Variants in PLCB4 observed in about 807,000 individuals in gnomAD.
PLCB4 encodes phospholipase C beta 4, also known as 1-phosphatidylinositol 4,5-bisphosphate phosphodiesterase beta-4.
Under a neutral mutation model 178.8 loss-of-function variants are expected in PLCB4, and 77 were observed. The observed-to-expected ratio is 0.43, with a 90% CI of 0.36 to 0.52. The LOEUF (loss-of-function observed/expected upper bound fraction) is 0.52, where lower values mean the gene tolerates loss of function less well. Among genes scored for constraint, PLCB4 ranks in the 20% least tolerant of loss-of-function variants. PLCB4 has a pLI of 0.00. For synonymous variants in PLCB4, 496 were observed against 490.8 expected, an observed-to-expected ratio of 1.01 and a Z score of -0.14; for missense variants, 1,024 against 1,453.4, an observed-to-expected ratio of 0.70 and a Z score of 4.80.
intron 1 of PLCB4, among the ~76,000 whole-genome samples, chr20:9,095,983 A>C (rs2090897827): frequency 6.6e-6 from 1 of 152,146 alleles, no homozygotes; most frequent in Non-Finnish European, 1.5e-5. Flanking sequence ...AAAATATGTC[A>C]TTGGGATAGA....
At chr20:9,176,720 C>G (rs1003766186) in intron 2 of PLCB4, among the ~76,000 whole-genome samples, 5 of 152,140 alleles carry the variant, frequency 3.3e-5, no homozygotes, top group African/African-American at 1.2e-4. Context: ...AACCCTTAAA[C>G]TACATATAAG....
intron 8 of PLCB4, among the ~76,000 whole-genome samples, chr20:9,364,286 G>A (rs1327545924): frequency 6.6e-6 from 1 of 152,132 alleles, no homozygotes; most frequent in Non-Finnish European, 1.5e-5. Flanking sequence ...GCTTATACCT[G>A]AGTGACACAA....
At chr20:9,371,102 T>G (rs925818168) in intron 9 of PLCB4, 112 bp from the exon 10 acceptor site, 42 of 727,794 alleles carry the variant, frequency 5.8e-5, no homozygotes, top group Non-Finnish European at 1.0e-4. Flanking sequence ...AATTTTATTC[T>G]CCTCTTCCTT....
intron 2 of PLCB4, among the ~76,000 whole-genome samples, chr20:9,184,373 C>G (rs1307006768): frequency 6.6e-6 from 1 of 152,076 alleles, no homozygotes; most frequent in African/African-American, 2.4e-5. Flanking sequence ...GTTTCCTTTA[C>G]CTTCATAAGC....
intron 28 of PLCB4, among the ~76,000 whole-genome samples, chr20:9,426,121 T>A (rs1602608807): frequency 6.7e-6 from 1 of 149,360 alleles, no homozygotes. Flanking sequence ...GAAAAAAAAA[T>A]GTTTTTTTTC....
chr20:9,152,033 A>C (rs555286866), intron 2 of PLCB4, among the ~76,000 whole-genome samples: 2 of 152,260 alleles, frequency 1.3e-5, no homozygotes, highest in South Asian at 4.1e-4. Context: ...GATCTGTGGA[A>C]CTTTAAACTT....
At chr20:9,307,061 T>C (rs1309206466) in intron 3 of PLCB4, among the ~76,000 whole-genome samples, 1 of 152,094 alleles carries the variant, frequency 6.6e-6, no homozygotes, top group Non-Finnish European at 1.5e-5. Context: ...GAGGGCTTCA[T>C]TCTAGGCCAC....
intron 3 of PLCB4, among the ~76,000 whole-genome samples, chr20:9,279,118 T>G (rs1482124683): frequency 6.6e-6 from 1 of 151,954 alleles, no homozygotes; most frequent in Non-Finnish European, 1.5e-5. Context: ...AAATTTGGAG[T>G]ATGTTATTTG....
At chr20:9,149,095 A>G (rs1032144176) in intron 2 of PLCB4, among the ~76,000 whole-genome samples, 1 of 152,106 alleles carries the variant, frequency 6.6e-6, no homozygotes. Flanking sequence ...GGAAAACTGG[A>G]GGGCCAGAAG....
intron 2 of PLCB4, among the ~76,000 whole-genome samples, chr20:9,210,310 A>T (rs1408856814): frequency 6.6e-6 from 1 of 152,152 alleles, no homozygotes. Context: ...CTTTCTCGGG[A>T]GGGGAAATGA....
At chr20:9,250,272 CAG>C (rs1286146277) in intron 3 of PLCB4, among the ~76,000 whole-genome samples, 1 of 152,328 alleles carries the variant, frequency 6.6e-6, no homozygotes, top group Non-Finnish European at 1.5e-5. Context: ...ATGCCCTGTG[CAG>C]AGAGACCTAT....
At chr20:9,424,290 T>C (rs2040846666) in intron 28 of PLCB4, among the ~76,000 whole-genome samples, 1 of 152,230 alleles carries the variant, frequency 6.6e-6, no homozygotes, top group Non-Finnish European at 1.5e-5. Flanking sequence ...GGTGAAACCA[T>C]AGATATCTTA....
chr20:9,468,819 G>T, intron 36 of PLCB4, 147 bp downstream of exon 36: 1 of 549,644 alleles, frequency 1.8e-6, no homozygotes, highest in Non-Finnish European at 3.3e-6. Flanking sequence ...TAACTGCAAT[G>T]GAGATTTGTT....
intron 35 of PLCB4, among the ~76,000 whole-genome samples, chr20:9,464,837 G>A (rs1021473832): frequency 1.3e-5 from 2 of 152,060 alleles, no homozygotes; most frequent in Admixed American, 1.3e-4. Context: ...ATTCACAGCC[G>A]AATTCTACCA....
At chr20:9,370,760 T>G (rs533571744) in intron 9 of PLCB4, among the ~76,000 whole-genome samples, 42 of 151,830 alleles carry the variant, frequency 2.8e-4, no homozygotes, top group African/African-American at 1.0e-3. Flanking sequence ...ATACAAAAAA[T>G]TAGCCAGGTG....
intron 3 of PLCB4, among the ~76,000 whole-genome samples, chr20:9,262,215 A>T (rs1196946534): frequency 6.6e-6 from 1 of 152,196 alleles, no homozygotes; most frequent in Non-Finnish European, 1.5e-5. Context: ...TTTTTTTAAA[A>T]AGTGGAAGAT....
chr20:9,248,411 C>T (rs1214935106), intron 3 of PLCB4, among the ~76,000 whole-genome samples: 1 of 152,070 alleles, frequency 6.6e-6, no homozygotes, highest in Admixed American at 6.6e-5. Context: ...ACCAGGTTAA[C>T]TCAAAGAGTT....
At chr20:9,141,290 G>A (rs2092484852) in intron 2 of PLCB4, among the ~76,000 whole-genome samples, 1 of 152,154 alleles carries the variant, frequency 6.6e-6, no homozygotes, top group Admixed American at 6.6e-5. Context: ...AAAAAGATTG[G>A]TTAGATTACA....
chr20:9,219,646 C>T (rs2093774953), intron 3 of PLCB4, among the ~76,000 whole-genome samples: 1 of 152,114 alleles, frequency 6.6e-6, no homozygotes, highest in South Asian at 2.1e-4. Flanking sequence ...TTCCATATGT[C>T]CCTCCATCCT....
Sources: allele counts gnomAD v4.1 joint callset (sites outside exome capture counted in the v4.1 genomes callset), GRCh38; gene constraint gnomAD v4.1.1; transcripts MANE v1.5; gene names NCBI Gene and HGNC (gene_info 2026-07-23, HGNC 2026-07-21).